Variants in SCNN1B observed in about 807,000 individuals in gnomAD.
SCNN1B encodes the protein epithelial sodium channel subunit beta.
In SCNN1B, 46 loss-of-function variants were observed where a neutral mutation model predicts 65.3. That is an observed-to-expected ratio of 0.70 (90% CI 0.56 to 0.90). The LOEUF is 0.90. Among genes scored for constraint, SCNN1B ranks in the 40% least tolerant of loss-of-function variants. The pLI, the probability that SCNN1B is intolerant of heterozygous loss-of-function variation, is 0.00. For synonymous variants in SCNN1B, 349 were observed against 330.6 expected (o/e 1.06, Z -0.60); for missense variants, 751 against 830.5 (o/e 0.90, Z 1.18).
intron 1 of SCNN1B, among the ~76,000 whole-genome samples, chr16:23,337,855 C>G (rs1961976360): frequency 6.6e-6 from 1 of 151,914 alleles, no homozygotes; most frequent in African/African-American, 2.4e-5. Context: ...TCACTTGAAC[C>G]CAGGAGTTCA....
intron 1 of SCNN1B, among the ~76,000 whole-genome samples, chr16:23,344,243 A>G (rs987198280): frequency 6.6e-6 from 1 of 152,256 alleles, no homozygotes; most frequent in African/African-American, 2.4e-5. Context: ...CATTCTAACT[A>G]GATACTGTTG....
chr16:23,290,591 G>A (rs1316965785), intron 2 of SCNN1B, among the ~76,000 whole-genome samples: 1 of 152,204 alleles, frequency 6.6e-6, no homozygotes, highest in African/African-American at 2.4e-5. Flanking sequence ...ACAGGCACGA[G>A]CCATAGCACC....
intron 1 of SCNN1B, among the ~76,000 whole-genome samples, chr16:23,316,550 A>C (rs1961470852): frequency 6.7e-6 from 1 of 149,454 alleles, no homozygotes; most frequent in African/African-American, 2.5e-5. Flanking sequence ...CATCATCACA[A>C]CCATTATCAC....
At chr16:23,308,068 G>A (rs1229593365) in intron 1 of SCNN1B, among the ~76,000 whole-genome samples, 1 of 152,026 alleles carries the variant, frequency 6.6e-6, no homozygotes, top group East Asian at 1.9e-4. Context: ...TTTTGGTGTG[G>A]TGGCGCATGC....
At chr16:23,360,988 G>A (rs1462838206) in intron 4 of SCNN1B, among the ~76,000 whole-genome samples, 1 of 152,126 alleles carries the variant, frequency 6.6e-6, no homozygotes, top group Non-Finnish European at 1.5e-5. Context: ...TAGAGACAGG[G>A]TTTCACTGTG....
intron 2 of SCNN1B, among the ~76,000 whole-genome samples, chr16:23,285,672 T>A (rs1370769910): frequency 1.3e-5 from 2 of 150,584 alleles, no homozygotes; most frequent in African/African-American, 2.5e-5. Context: ...TAAAAAAAAA[T>A]AATAAAAAAT....
Position 23,375,849 on chromosome 16 carries a change from G to C in SCNN1B, c.1264G>C (p.Asp422His). ...EKYCNNRDFPDWAHCYSDLQM... is the reference protein window; with the variant it reads ...EKYCNNRDFPHWAHCYSDLQM... ...ATACTGCAACAACCGGGACTTCCCAGACTGGGGTGAGCGGGGGCACGGGGG... is the reference window on the plus strand; with the variant it reads ...ATACTGCAACAACCGGGACTTCCCACACTGGGGTGAGCGGGGGCACGGGGG... The change falls in exon 8 of 13, where the codon GAC (aspartate) becomes CAC (histidine). Residue 422 changes from aspartate (D) to histidine (H), a missense_variant. Physicochemically the swap from Asp to His is moderately conservative, Grantham distance 81. Coordinates refer to ENST00000343070, the MANE Select transcript of SCNN1B (RefSeq NM_000336.3). The C allele has an allele frequency of 6.2e-7, 1 of 1,608,196 alleles. No homozygotes were observed. The highest frequency in any genetic ancestry group is 8.5e-7 in the Non-Finnish European group (1 of 1,174,510).
In SCNN1B at chr16:23,381,006, A is replaced by G. The variant is rs1025063140; in HGVS notation, c.*205A>G. ...GAATCACGGTGCTGGTACAGGATGC[A>G]GGAATAAATTGTATCTTCACCTGGT... On this transcript the variant is annotated 3_prime_UTR_variant, in exon 13 of 13. Coordinates refer to ENST00000343070, the MANE Select transcript of SCNN1B (RefSeq NM_000336.3). 7 of 650,112 alleles carry G rather than the reference A, an allele frequency of 1.1e-5. No individual in the cohort carries two copies. Among genetic ancestry groups the G allele is most frequent in the Admixed American group, 4.8e-5 (2 of 41,742 alleles). The allele number at this position is 650,112 out of a possible 1,614,324, so 40.3% of individuals were successfully genotyped here.
In SCNN1B at chr16:23,355,401, G is replaced by A. The variant is rs200579812; in HGVS notation, c.688G>A (p.Val230Met). The change falls in exon 4 of 13, where the codon GTG becomes ATG. Residue 230 changes from valine to methionine, a missense_variant. By Grantham distance (21) the Val-to-Met change is conservative. Coordinates refer to ENST00000343070, the MANE Select transcript of SCNN1B (RefSeq NM_000336.3). ...ILQATNIFAQ[V>M]PQQELVEMSY... is the part of the protein sequence containing the mutation. ...GCAGGCCACCAACATCTTTGCACAG[G>A]TGCCACAGCAGGAGCTAGTAGAGAT... The A allele has an allele frequency of 6.2e-7, 1 of 1,614,164 alleles. No individual in the cohort carries two copies. The highest frequency in any genetic ancestry group is 1.3e-5 in the African/African-American group (1 of 75,028).
chr16:23,348,920 C>T lies in SCNN1B; in HGVS notation c.311+10C>T, dbSNP rs1047843899. ...ATGCTAGCCCCTTCAAGTAGGTGGC[C>T]CCGGAGTGCACAGCTGGCCTCAGCA... On this transcript the variant is annotated intron_variant, in intron 2 of 12. Coordinates refer to ENST00000343070, the MANE Select transcript of SCNN1B (RefSeq NM_000336.3). The surrounding 1 kb of genome is among the most constrained non-coding windows in gnomAD (Gnocchi z 4.5). 5 of 1,612,902 alleles carry T rather than the reference C, an allele frequency of 3.1e-6. No homozygotes were observed. The African/African-American group carries it at 6.7e-5, about 22-fold the overall frequency.
chr16:23,379,185 C>G (rs1396310084), intron 11 of SCNN1B, among the ~76,000 whole-genome samples: 1 of 148,812 alleles, frequency 6.7e-6, no homozygotes, highest in Non-Finnish European at 1.5e-5. Context: ...ATCCTCCACC[C>G]ATTCATCCCT....
chr16:23,291,102 C>G (rs956358007), intron 2 of SCNN1B, among the ~76,000 whole-genome samples: 2 of 150,564 alleles, frequency 1.3e-5, no homozygotes, highest in Non-Finnish European at 2.9e-5. Context: ...TGCTGTGTCG[C>G]CCAGGCTGGA....
rs1212799432 is a variant in SCNN1B at position 23,377,490 on chromosome 16, C to T, written c.1404+104C>T. 8.2e-6 allele frequency: 8 copies of T among 972,104 alleles called. No individual in the cohort carries two copies. In the East Asian group the frequency reaches 1.5e-4, roughly 18 times the overall value. The allele number at this position is 972,104 out of a possible 1,614,324, so 60.2% of individuals were successfully genotyped here. On this transcript the variant is annotated intron_variant, in intron 10 of 12. Coordinates refer to ENST00000343070, the MANE Select transcript of SCNN1B (RefSeq NM_000336.3). ...GAAATTTGAAGGGGGTGCCTTTTTCCCTCCCTCCTTCCTTCCTTCTCTGTT... is the reference window on the plus strand; with the variant it reads ...GAAATTTGAAGGGGGTGCCTTTTTCTCTCCCTCCTTCCTTCCTTCTCTGTT...
At chr16:23,333,665 T>G (rs1258873613) in intron 1 of SCNN1B, among the ~76,000 whole-genome samples, 1 of 152,194 alleles carries the variant, frequency 6.6e-6, no homozygotes, top group Non-Finnish European at 1.5e-5. Flanking sequence ...TATTCCCATT[T>G]GCAGATGATA....
chr16:23,295,702 A>T (rs914647841), intron 2 of SCNN1B, among the ~76,000 whole-genome samples: 8 of 152,160 alleles, frequency 5.3e-5, no homozygotes, highest in Admixed American at 4.6e-4. Context: ...AGCAGTTTGA[A>T]AATGACAGAA....
At chr16:23,296,718 G>A (rs1480390043) in intron 2 of SCNN1B, among the ~76,000 whole-genome samples, 3 of 152,188 alleles carry the variant, frequency 2.0e-5, no homozygotes, top group Non-Finnish European at 4.4e-5. Flanking sequence ...TCGAAGATCA[G>A]AGGACGGGCG....
chr16:23,302,500 G>C (rs1961105499), intron 1 of SCNN1B, 63 bp downstream of exon 1: 1 of 152,502 alleles, frequency 6.6e-6, no homozygotes, highest in Admixed American at 6.5e-5. Flanking sequence ...CCCTGCGCGC[G>C]CGCCTTCTCC....
intron 10 of SCNN1B, among the ~76,000 whole-genome samples, chr16:23,378,493 C>T (rs972377286): frequency 2.6e-4 from 40 of 152,096 alleles, no homozygotes; most frequent in Admixed American, 3.9e-4. Context: ...CCAGGCCCGC[C>T]GAGGAAGAGT....
intron 1 of SCNN1B, among the ~76,000 whole-genome samples, chr16:23,320,811 C>G (rs1299216755): frequency 3.9e-5 from 6 of 152,194 alleles, no homozygotes; most frequent in Non-Finnish European, 8.8e-5. Context: ...GAGGGGAAGG[C>G]CACACCCCCA....
Sources: allele counts gnomAD v4.1 joint callset (sites outside exome capture counted in the v4.1 genomes callset), GRCh38; gene constraint gnomAD v4.1.1; non-coding constraint Gnocchi (gnomAD v3.1); transcripts MANE v1.5; gene names NCBI Gene and HGNC (gene_info 2026-07-23, HGNC 2026-07-21).